The following RERE variants were observed in gnomAD, a reference collection of about 807,000 sequenced individuals.
RERE encodes arginine-glutamic acid dipeptide repeats protein.
RERE carries 40 observed loss-of-function variants against 146.1 expected under a neutral mutation model. The observed-to-expected ratio is 0.27, with a 90% CI of 0.21 to 0.36. The LOEUF (loss-of-function observed/expected upper bound fraction) is 0.36. Among genes scored for constraint, RERE ranks in the 10% least tolerant of loss-of-function variants. RERE has a pLI of 1.00. For synonymous variants in RERE, 1,003 were observed against 866.0 expected, an observed-to-expected ratio of 1.16 and a Z score of -2.78; for missense variants, 1,933 against 2,138.7, an observed-to-expected ratio of 0.90 and a Z score of 1.90.
At chr1:8,409,899 G>A (rs1643564284) in intron 12 of RERE, among the ~76,000 whole-genome samples, 1 of 150,136 alleles carries the variant, frequency 6.7e-6, no homozygotes, top group African/African-American at 2.5e-5. Flanking sequence ...GGAAATCTTT[G>A]CTCAGGTCCA....
In RERE at chr1:8,364,228, C is replaced by A; in HGVS notation, c.1568G>T (p.Arg523Leu). 6.2e-7 allele frequency: 1 copy of A among 1,614,176 alleles called. No homozygotes were observed. Among genetic ancestry groups the A allele is most frequent in the Non-Finnish European group, 8.5e-7 (1 of 1,180,028 alleles). ...GTCGGTGCAAAGCAGGATGTTCTCCCGGCCTCCGTGGTGCCAATCTTTGGA... is the reference window on the plus strand; with the variant it reads ...GTCGGTGCAAAGCAGGATGTTCTCCAGGCCTCCGTGGTGCCAATCTTTGGA... Reference protein sequence around the residue: ...TTSKDWHHGGRENILLCTDCR... With the variant: ...TTSKDWHHGGLENILLCTDCR... Residue 523 changes from arginine to leucine, a missense_variant, in exon 15 of 23, where the codon CGG becomes CTG. Physicochemically the swap from Arg to Leu is moderately radical, Grantham distance 102. Transcript: ENST00000400908. This position sits in a 1 kb window ranked among gnomAD's most constrained non-coding sequence, Gnocchi z 5.1.
intron 12 of RERE, among the ~76,000 whole-genome samples, chr1:8,419,269 A>G (rs769639992): frequency 2.0e-5 from 3 of 152,216 alleles, no homozygotes; most frequent in Non-Finnish European, 4.4e-5. Context: ...CTCTATAAAC[A>G]GTTGGGTTTT....
intron 2 of RERE, among the ~76,000 whole-genome samples, chr1:8,635,977 C>CTTATCTTATCTTATTTTATT (rs1268893065): frequency 8.0e-5 from 11 of 136,716 alleles, no homozygotes; most frequent in African/African-American, 2.0e-4. Context: ...CTTATCTTAT[C>CTTATCTTATCTTATTTTATT]TTATTTTATT....
At chr1:8,617,823 T>C (rs1436044919) in intron 3 of RERE, among the ~76,000 whole-genome samples, 3 of 152,236 alleles carry the variant, frequency 2.0e-5, no homozygotes, top group Non-Finnish European at 4.4e-5. Flanking sequence ...AAAAATGTTA[T>C]GACTTTGGCT....
Position 8,361,060 on chromosome 1 carries a change from G to A in RERE, c.2447C>T (p.Pro816Leu). 4 of 1,438,724 alleles carry A rather than the reference G, an allele frequency of 2.8e-6. No homozygotes were observed. The highest frequency in any genetic ancestry group is 3.6e-6 in the Non-Finnish European group (4 of 1,101,204). 89.1% of individuals were successfully genotyped at this position (1,438,724 alleles called of 1,614,324 possible). A position where few individuals can be genotyped will look rare whatever the true frequency, so the allele number is the denominator to read the frequency against. Residue 816 changes from proline (P) to leucine (L), a missense_variant, in exon 18 of 23, where the codon CCC (proline) becomes CTC (leucine). Pro to Leu is a moderately conservative substitution (Grantham distance 98). This residue lies in a region of RERE where 1,255 missense variants were observed against 1,153.8 expected (regional missense o/e 1.09). Transcript: ENST00000400908. ...LHPQRPPSPH[P>L]PPHPSPHPPL... is the part of the protein sequence containing the mutation. Reference sequence around the variant, plus strand: ...GGGATGTGGCGAGGGATGCGGCGGGGGATGCGGTGAGGGCGGCCGCTGGGG... The same window carrying A: ...GGGATGTGGCGAGGGATGCGGCGGGAGATGCGGTGAGGGCGGCCGCTGGGG...
chr1:8,748,783 A>G (rs185427019), intron 1 of RERE, among the ~76,000 whole-genome samples: 16 of 152,320 alleles, frequency 1.1e-4, no homozygotes, highest in Admixed American at 9.2e-4. Context: ...GGACCTCATC[A>G]GACCTAGTCC....
At chr1:8,793,978 G>A (rs574035553) in intron 1 of RERE, among the ~76,000 whole-genome samples, 3 of 151,816 alleles carry the variant, frequency 2.0e-5, no homozygotes, top group East Asian at 3.9e-4. Flanking sequence ...TGAGGCACGA[G>A]AATCGCTTGA....
intron 4 of RERE, among the ~76,000 whole-genome samples, chr1:8,600,750 CTTTT>C (rs59816060): frequency 0.58 from 65,705 of 113,736 alleles, 17,174 homozygotes; most frequent in East Asian, 0.77. Context: ...CAAGCCAATA[CTTTT>C]TTTTTTTTTT....
chr1:8,423,840 A>G lies in RERE; in HGVS notation c.1204-1033T>C, dbSNP rs1277413845. On this transcript the variant is annotated intron_variant, in intron 11 of 22. Transcript: ENST00000400908. The surrounding 1 kb of genome is among the most constrained non-coding windows in gnomAD (Gnocchi z 5.4). ...CGGGCGGCTGCAAAAGGCGGCCTGGATTGCCGCCGCCCTCCTGTCCGCCAG... is the reference window on the plus strand; with the variant it reads ...CGGGCGGCTGCAAAAGGCGGCCTGGGTTGCCGCCGCCCTCCTGTCCGCCAG... 1.2e-4 allele frequency among the ~76,000 whole-genome samples: 17 copies of G among 147,478 alleles called. No individual in the cohort carries two copies. Among genetic ancestry groups the G allele is most frequent in the Admixed American group, 1.1e-3 (17 of 14,882 alleles).
chr1:8,410,027 A>G (rs1445138760), intron 12 of RERE, among the ~76,000 whole-genome samples: 1 of 109,846 alleles, frequency 9.1e-6, no homozygotes, highest in African/African-American at 3.7e-5. Flanking sequence ...ATGCTTTCTC[A>G]TTGTGGGAAA....
chr1:8,777,726 G>A (rs1022685163), intron 1 of RERE, among the ~76,000 whole-genome samples: 2 of 151,542 alleles, frequency 1.3e-5, no homozygotes, highest in African/African-American at 4.8e-5. Flanking sequence ...TAGTAGAGAC[G>A]TGGTTTCACC....
intron 7 of RERE, among the ~76,000 whole-genome samples, chr1:8,517,648 AGTT>A (rs1221804568): frequency 6.6e-6 from 1 of 152,230 alleles, no homozygotes; most frequent in Non-Finnish European, 1.5e-5. Flanking sequence ...AATAATGGTA[AGTT>A]GTTGTTTTTA....
intron 11 of RERE, among the ~76,000 whole-genome samples, chr1:8,448,672 T>C (rs895455151): frequency 1.3e-5 from 2 of 152,040 alleles, no homozygotes; most frequent in South Asian, 4.1e-4. Context: ...GCCTGCCGTG[T>C]GCAGAGGCCT....
chr1:8,671,842 A>G (rs967862515), intron 1 of RERE, among the ~76,000 whole-genome samples: 1 of 152,236 alleles, frequency 6.6e-6, no homozygotes, highest in Non-Finnish European at 1.5e-5. Context: ...AGCAACATTT[A>G]TATGTCTCAG....
At chr1:8,462,442 T>C (rs1406245467) in intron 11 of RERE, among the ~76,000 whole-genome samples, 1 of 152,232 alleles carries the variant, frequency 6.6e-6, no homozygotes, top group Non-Finnish European at 1.5e-5. Flanking sequence ...GAGGGAGCAC[T>C]GGCCGCGGGA....
intron 10 of RERE, among the ~76,000 whole-genome samples, chr1:8,485,601 T>C (rs1644888754): frequency 6.6e-6 from 1 of 152,064 alleles, no homozygotes; most frequent in Non-Finnish European, 1.5e-5. Flanking sequence ...AGTGGCTGTA[T>C]TAACATTAGA....
At chr1:8,792,705 A>G (rs1471800418) in intron 1 of RERE, 1 of 152,238 alleles carries the variant, frequency 6.6e-6, no homozygotes, top group Non-Finnish European at 1.5e-5. Flanking sequence ...GACAAGCTCA[A>G]AATAGTCAAA....
chr1:8,447,426 G>A (rs1262465412), intron 11 of RERE, among the ~76,000 whole-genome samples: 1 of 152,046 alleles, frequency 6.6e-6, no homozygotes, highest in Non-Finnish European at 1.5e-5. Flanking sequence ...CCTCATCTTC[G>A]TGGATGTGTC....
intron 1 of RERE, among the ~76,000 whole-genome samples, chr1:8,714,434 T>C (rs530015974): frequency 1.3e-5 from 2 of 152,270 alleles, no homozygotes; most frequent in South Asian, 4.1e-4. Flanking sequence ...TTGAGGAAAA[T>C]AGTCTCCAAC....
Sources: gnomAD v4.1 joint callset for allele counts (sites outside exome capture counted in the v4.1 genomes callset) on GRCh38, gnomAD v4.1.1 for gene constraint, gnomAD v4.1.1 regional missense constraint, Gnocchi (gnomAD v3.1) non-coding constraint, MANE v1.5 for transcripts, NCBI Gene and HGNC (gene_info 2026-07-23, HGNC 2026-07-21) for gene names.